Variants in TTC6 observed in about 807,000 individuals in gnomAD.
TTC6 encodes tetratricopeptide repeat domain 6, also known as tetratricopeptide repeat protein 6.
TTC6 carries 172 observed loss-of-function variants against 210.4 expected under a neutral mutation model. The ratio of observed to expected loss-of-function variants is 0.82; its 90% confidence interval spans 0.72 to 0.93. The LOEUF is 0.93. Ranked by LOEUF, TTC6 falls within the 40% of genes least tolerant of loss-of-function variation. The probability of loss-of-function intolerance (pLI) is 0.00; values close to 1 mark genes in which losing one functional copy is unlikely to be tolerated. For missense variants in TTC6, 2,414 were observed against 2,318.1 expected, an observed-to-expected ratio of 1.04 and a Z score of -0.85; for synonymous variants, 804 against 819.6, an observed-to-expected ratio of 0.98 and a Z score of 0.32.
At chr14:37,732,762 C>T (rs377413582) in intron 7 of TTC6, among the ~76,000 whole-genome samples, 14 of 146,438 alleles carry the variant, frequency 9.6e-5, no homozygotes, top group Admixed American at 6.3e-4. Flanking sequence ...GGACTACAGG[C>T]GCCCGCCACC....
At chr14:37,665,753 C>G (rs959016528) in intron 1 of TTC6, among the ~76,000 whole-genome samples, 2 of 150,380 alleles carry the variant, frequency 1.3e-5, no homozygotes, top group African/African-American at 2.4e-5. Context: ...TAAGCAGGGC[C>G]AAGCTGAGCT....
At chr14:37,730,973 C>G (rs1281969110) in intron 7 of TTC6, among the ~76,000 whole-genome samples, 2 of 152,108 alleles carry the variant, frequency 1.3e-5, no homozygotes, top group Non-Finnish European at 2.9e-5. Context: ...AATTCAAGGT[C>G]ATTAATTTCA....
chr14:37,637,685 C>T (rs750352377), intron 1 of TTC6, among the ~76,000 whole-genome samples: 39 of 152,096 alleles, frequency 2.6e-4, no homozygotes, highest in Admixed American at 1.4e-3. Context: ...AGATATTTTA[C>T]AAAAGAGGAT....
chr14:37,784,076 C>A (rs1048552056), intron 14 of TTC6, among the ~76,000 whole-genome samples: 2 of 152,048 alleles, frequency 1.3e-5, no homozygotes, highest in African/African-American at 4.8e-5. Flanking sequence ...TGGAATAAGT[C>A]CGATGTGGTG....
chr14:37,760,243 C>T (rs1344370192), intron 14 of TTC6, among the ~76,000 whole-genome samples: 1 of 152,048 alleles, frequency 6.6e-6, no homozygotes, highest in East Asian at 1.9e-4. Context: ...AGCTTTTCTT[C>T]TAAGAGTCAG....
chr14:37,622,093 T>C, exon 1 of TTC6: 1 of 1,532,936 alleles, frequency 6.5e-7, no homozygotes, highest in Non-Finnish European at 8.7e-7. Context: ...CACTTTGGCC[T>C]GAAATACAAA....
chr14:37,752,292 T>C (rs1162203260), intron 13 of TTC6, among the ~76,000 whole-genome samples: 1 of 152,120 alleles, frequency 6.6e-6, no homozygotes, highest in Non-Finnish European at 1.5e-5. Flanking sequence ...AGTTTCCATT[T>C]TCCCAACTGC....
At chr14:37,643,208 T>G (rs2095695384) in intron 1 of TTC6, among the ~76,000 whole-genome samples, 1 of 152,156 alleles carries the variant, frequency 6.6e-6, no homozygotes, top group Non-Finnish European at 1.5e-5. Flanking sequence ...CTCAGGAGGC[T>G]GAGGCAGGAG....
At chr14:37,783,000 C>T (rs1295481991) in intron 14 of TTC6, among the ~76,000 whole-genome samples, 1 of 152,126 alleles carries the variant, frequency 6.6e-6, no homozygotes, top group Non-Finnish European at 1.5e-5. Context: ...GGTGGATAAG[C>T]TTTTTGATGT....
At chr14:37,815,750 T>A (rs927790623) in intron 25 of TTC6, among the ~76,000 whole-genome samples, 22 of 152,126 alleles carry the variant, frequency 1.4e-4, no homozygotes, top group African/African-American at 5.3e-4. Context: ...CATCCTTATA[T>A]TAGAGAGATA....
intron 14 of TTC6, 42 bp downstream of exon 16, chr14:37,753,277 A>G (rs1364827998): frequency 6.9e-7 from 1 of 1,447,076 alleles, no homozygotes; most frequent in Non-Finnish European, 9.2e-7. Flanking sequence ...TATTACTATT[A>G]TTTGAAATAC....
chr14:37,761,470 T>C (rs1376855245), intron 14 of TTC6, among the ~76,000 whole-genome samples: 1 of 152,024 alleles, frequency 6.6e-6, no homozygotes, highest in Non-Finnish European at 1.5e-5. Context: ...CCCTAAATCA[T>C]TTTTAAGGTA....
chr14:37,671,540 A>G (rs1243451678), intron 1 of TTC6, among the ~76,000 whole-genome samples: 1 of 152,208 alleles, frequency 6.6e-6, no homozygotes, highest in African/African-American at 2.4e-5. Context: ...ATATTAGTTA[A>G]TATTAGTTAA....
chr14:37,729,008 C>A (rs966918), intron 7 of TTC6, among the ~76,000 whole-genome samples: 82,242 of 151,986 alleles, frequency 0.54, 22,994 homozygotes, highest in African/African-American at 0.68. Context: ...TGTGCAAATT[C>A]ATACTTTTAC....
In TTC6 at chr14:37,823,829, C is replaced by T. The variant is rs142707594; in HGVS notation, c.4846C>T (p.Arg1616Trp). The T allele has an allele frequency of 1.2e-3, 1,945 of 1,613,834 alleles. 2 individuals are homozygous for T. Among genetic ancestry groups the T allele is most frequent in the Admixed American group, 1.8e-3 (106 of 59,988 alleles). The change falls in exon 27 of 31, where the codon CGG (arginine) becomes TGG (tryptophan). Residue 1616 changes from arginine to tryptophan, a missense_variant. By Grantham distance (101) the Arg-to-Trp change is moderately radical. Coordinates refer to ENST00000553443, the Ensembl canonical transcript of TTC6. ...ATGTTTTCTGGATGCTTATGTTGGACGGGGAAATTCTTACATGGAATACGG... is the reference window on the plus strand; with the variant it reads ...ATGTTTTCTGGATGCTTATGTTGGATGGGGAAATTCTTACATGGAATACGG...
chr14:37,635,981 C>CAAA (rs71433909), intron 1 of TTC6, among the ~76,000 whole-genome samples: 2 of 70,342 alleles, frequency 2.8e-5, no homozygotes, highest in Non-Finnish European at 5.0e-5. Context: ...ATTCCATTTC[C>CAAA]AAAAAAAAAA....
intron 27 of TTC6, 45 bp from the exon 30 acceptor site, chr14:37,826,150 G>A (rs1416492339): frequency 6.4e-7 from 1 of 1,554,946 alleles, no homozygotes; most frequent in South Asian, 1.2e-5. Context: ...CGTTTGTCAT[G>A]TTATGGAGTA....
intron 6 of TTC6, among the ~76,000 whole-genome samples, chr14:37,718,564 G>T (rs938193910): frequency 6.7e-6 from 1 of 149,892 alleles, no homozygotes; most frequent in South Asian, 2.1e-4. Context: ...GGAAAAAAAA[G>T]CTTGCAGACC....
At chr14:37,830,222 C>T (rs895782173) in intron 29 of TTC6, among the ~76,000 whole-genome samples, 10 of 152,006 alleles carry the variant, frequency 6.6e-5, no homozygotes, top group African/African-American at 1.4e-4. Flanking sequence ...TGATGCAAAA[C>T]GGATTTTCTT....
Sources: gnomAD v4.1 joint callset for allele counts (sites outside exome capture counted in the v4.1 genomes callset) on GRCh38, gnomAD v4.1.1 for gene constraint, MANE v1.5 for transcripts, NCBI Gene and HGNC (gene_info 2026-07-23, HGNC 2026-07-21) for gene names.